Variants in EXOC2 observed in about 807,000 individuals in gnomAD.
EXOC2 encodes the protein SEC5-like 1.
EXOC2 carries 70 observed loss-of-function variants against 131.8 expected under a neutral mutation model. The observed-to-expected ratio is 0.53, with a 90% CI of 0.44 to 0.65. EXOC2 has a LOEUF of 0.65. Among genes scored for constraint, EXOC2 ranks in the 30% least tolerant of loss-of-function variants. The pLI is 0.00. For missense variants in EXOC2, 923 were observed against 1,108.6 expected (o/e 0.83, Z 2.38); for synonymous variants, 411 against 398.4 (o/e 1.03, Z -0.38).
Position 629,994 on chromosome 6 carries a change from T to A in EXOC2, c.296-33A>T, listed in dbSNP as rs76202719. 3.2e-3 allele frequency: 5,137 copies of A among 1,611,168 alleles called. 157 individuals carry two copies. The African/African-American group carries it at 0.061, about 19-fold the overall frequency. On this transcript the variant is annotated intron_variant, in intron 3 of 27. Coordinates refer to ENST00000230449, the MANE Select transcript of EXOC2 (RefSeq NM_018303.6). Reference sequence around the variant, plus strand: ...AATGAGGAGCATATGCTTAATAAGATGAAGCCTACCCCAGGCACCTTCTAC... The same window carrying A: ...AATGAGGAGCATATGCTTAATAAGAAGAAGCCTACCCCAGGCACCTTCTAC...
In EXOC2 at chr6:531,428, C is replaced by CACAGAAAAGT. The variant is rs1561822387; in HGVS notation, c.2380+1040_2380+1041insACTTTTCTGT. ...ACAGAAAAGTGTGTGCACAGAAAAG[C>CACAGAAAAGT]ACATGAGGAATAAGGGCTGGCATGA... On this transcript the variant is annotated intron_variant, in intron 23 of 27. Transcript: ENST00000230449. Among the ~76,000 whole-genome samples the CACAGAAAAGT allele has an allele frequency of 6.4e-4, 4 of 6,204 alleles. No individual in the cohort carries two copies. In the South Asian group the frequency reaches 0.019, roughly 29 times the overall value. 4.1% of individuals were successfully genotyped at this position (6,204 alleles called of 152,430 possible). A position where few individuals can be genotyped will look rare whatever the true frequency, so the allele number is the denominator to read the frequency against.
chr6:656,582 G>T, intron 1 of EXOC2: 2 of 1,592,232 alleles, frequency 1.3e-6, no homozygotes. Flanking sequence ...CGCGGCCCAG[G>T]GACGAGACCA....
At position 617,827 on chromosome 6, in the gene EXOC2, T is replaced by C; in HGVS notation, c.545A>G (p.Gln182Arg). ...TAGGTTGGTGACTGCCATTTTGAGC[T>C]GCTCAAAACTGAAATGAAATAAAGA... ...IENHSNTSFE[Q>R]LKMAVTNLKR... The change falls in exon 6 of 28, where the codon CAG becomes CGG. Residue 182 changes from glutamine to arginine, a missense_variant. Physicochemically the swap from Gln to Arg is conservative, Grantham distance 43. Transcript: ENST00000230449. The C allele has an allele frequency of 2.5e-6, 4 of 1,611,198 alleles. No homozygotes were observed. The highest frequency in any genetic ancestry group is 3.4e-6 in the Non-Finnish European group (4 of 1,179,114).
intron 11 of EXOC2, 121 bp downstream of exon 11, chr6:592,348 A>G: frequency 1.2e-6 from 1 of 841,084 alleles, no homozygotes; most frequent in South Asian, 1.8e-5. Context: ...AAACAAGCAA[A>G]AGACAATAAT....
At chr6:547,191 TA>T (rs1356019003) in intron 22 of EXOC2, among the ~76,000 whole-genome samples, 1 of 152,228 alleles carries the variant, frequency 6.6e-6, no homozygotes, top group Non-Finnish European at 1.5e-5. Flanking sequence ...AATAATCCCC[TA>T]AAAACATTTA....
intron 23 of EXOC2, among the ~76,000 whole-genome samples, chr6:516,422 C>A (rs1765169963): frequency 6.6e-6 from 1 of 152,218 alleles, no homozygotes; most frequent in African/African-American, 2.4e-5. Context: ...ATCACTGCAC[C>A]CCTAGCCCCG....
chr6:546,761 T>C (rs1170820910), intron 22 of EXOC2, among the ~76,000 whole-genome samples: 3 of 152,236 alleles, frequency 2.0e-5, no homozygotes, highest in African/African-American at 7.2e-5. Flanking sequence ...GAATACAGTA[T>C]GCAATAGATA....
intron 1 of EXOC2, among the ~76,000 whole-genome samples, chr6:687,171 C>CTTTTCTTTTTTTTTT (rs1764696891): frequency 1.3e-5 from 1 of 78,360 alleles, no homozygotes; most frequent in Non-Finnish European, 2.2e-5. Flanking sequence ...AAATAATATT[C>CTTTTCTTTTTTTTTT]TTTTTTTTTT....
intron 13 of EXOC2, among the ~76,000 whole-genome samples, chr6:565,842 ATATT>A (rs1041176161): frequency 2.7e-4 from 41 of 152,212 alleles, no homozygotes; most frequent in African/African-American, 8.0e-4. Flanking sequence ...CGTTGTATAT[ATATT>A]TATTTCTGTA....
At chr6:578,631 T>C (rs1758718943) in intron 11 of EXOC2, among the ~76,000 whole-genome samples, 1 of 152,226 alleles carries the variant, frequency 6.6e-6, no homozygotes, top group South Asian at 2.1e-4. Flanking sequence ...ACAGATTTTT[T>C]AGTGCAACAG....
intron 22 of EXOC2, among the ~76,000 whole-genome samples, chr6:539,511 C>A (rs911382085): frequency 6.6e-6 from 1 of 152,194 alleles, no homozygotes; most frequent in Non-Finnish European, 1.5e-5. Flanking sequence ...CCAGCCAGTG[C>A]TCCCAATGGA....
intron 7 of EXOC2, among the ~76,000 whole-genome samples, chr6:603,504 T>C (rs900692902): frequency 1.3e-5 from 2 of 152,164 alleles, no homozygotes; most frequent in Admixed American, 1.3e-4. Context: ...ACTGTCAGTA[T>C]CTCTTCACCT....
At chr6:596,849 G>T (rs76780337) in intron 10 of EXOC2, among the ~76,000 whole-genome samples, 1,799 of 152,290 alleles carry the variant, frequency 0.012, 38 homozygotes, top group African/African-American at 0.04. Flanking sequence ...AGCAGAAAAT[G>T]AAGTTAATAT....
intron 1 of EXOC2, among the ~76,000 whole-genome samples, chr6:651,530 T>C (rs1238886617): frequency 2.0e-5 from 3 of 151,892 alleles, no homozygotes; most frequent in Admixed American, 6.6e-5. Context: ...GGTGGGCACC[T>C]GTAATCCCAG....
chr6:605,691 C>T (rs1760371617), intron 7 of EXOC2, among the ~76,000 whole-genome samples: 1 of 152,118 alleles, frequency 6.6e-6, no homozygotes, highest in Admixed American at 6.5e-5. Flanking sequence ...TTTTTTGTGT[C>T]TCTATCTCCT....
chr6:608,828 T>C (rs1760565384), intron 7 of EXOC2, among the ~76,000 whole-genome samples: 1 of 152,236 alleles, frequency 6.6e-6, no homozygotes, highest in African/African-American at 2.4e-5. Context: ...TTTATACAGA[T>C]ATCATAGTTT....
rs536913279 is a variant in EXOC2 at position 567,033 on chromosome 6, C to T, written c.1444-2104G>A. Among the ~76,000 whole-genome samples, 6 of 152,346 alleles carry T rather than the reference C, an allele frequency of 3.9e-5. No homozygotes were observed. In the East Asian group the frequency reaches 9.6e-4, roughly 24 times the overall value. The stretch of plus-strand genomic sequence containing the variant: ...ACCAACTGCTCTCCAACTCCACTGA[C>T]GAAACCTTATCCAAACCACCACTGT... On this transcript the variant is annotated intron_variant, in intron 13 of 27. Coordinates refer to ENST00000230449, the MANE Select transcript of EXOC2 (RefSeq NM_018303.6).
At chr6:548,327 T>C (rs886689322) in intron 22 of EXOC2, among the ~76,000 whole-genome samples, 2 of 152,166 alleles carry the variant, frequency 1.3e-5, no homozygotes, top group Non-Finnish European at 1.5e-5. Context: ...TGAGTGCGTG[T>C]TGATTATAAG....
chr6:686,128 A>AT (rs1228336313), intron 1 of EXOC2, among the ~76,000 whole-genome samples: 3 of 151,588 alleles, frequency 2.0e-5, no homozygotes, highest in Non-Finnish European at 4.4e-5. Context: ...TGCCCAGCTA[A>AT]TTTTTTTGTA....
Sources: allele counts gnomAD v4.1 joint callset (sites outside exome capture counted in the v4.1 genomes callset), GRCh38; gene constraint gnomAD v4.1.1; transcripts MANE v1.5; gene names NCBI Gene and HGNC (gene_info 2026-07-23, HGNC 2026-07-21).